The following NAA25 variants were observed in gnomAD, a reference collection of about 807,000 sequenced individuals.
NAA25 encodes N-alpha-acetyltransferase 25, NatB auxiliary subunit.
A neutral mutation model predicts 132.5 loss-of-function variants in NAA25; 30 were observed. The observed-to-expected ratio is 0.23, with a 90% confidence interval of 0.17 to 0.31. The LOEUF is 0.31. NAA25 is among the 10% of genes least tolerant of loss of function. NAA25 has a pLI of 1.00. For missense variants in NAA25, 771 were observed against 1,150.4 expected, an observed-to-expected ratio of 0.67 and a Z score of 4.77; for synonymous variants, 359 against 401.9, an observed-to-expected ratio of 0.89 and a Z score of 1.28.
At chr12:112,072,466 G>A (rs145702242) in intron 9 of NAA25, among the ~76,000 whole-genome samples, 1,804 of 151,894 alleles carry the variant, frequency 0.012, 40 homozygotes, top group African/African-American at 0.042. Flanking sequence ...AAAACTAGTC[G>A]GGCGTGGTGG....
intron 13 of NAA25, among the ~76,000 whole-genome samples, chr12:112,055,563 T>C (rs1338376283): frequency 6.6e-6 from 1 of 151,878 alleles, no homozygotes; most frequent in Admixed American, 6.6e-5. Context: ...TAACCAGATG[T>C]GGTGGTGCAC....
intron 7 of NAA25, among the ~76,000 whole-genome samples, chr12:112,077,437 C>T (rs1242678083): frequency 6.6e-6 from 1 of 151,108 alleles, no homozygotes; most frequent in Non-Finnish European, 1.5e-5. Context: ...CGCACCACTG[C>T]ACTCTAGCCT....
intron 13 of NAA25, among the ~76,000 whole-genome samples, chr12:112,056,471 C>A (rs1252486753): frequency 6.6e-6 from 1 of 151,882 alleles, no homozygotes; most frequent in Admixed American, 6.6e-5. Context: ...GTGGGAGGAT[C>A]CCTTGAGCCC....
intron 15 of NAA25, among the ~76,000 whole-genome samples, chr12:112,050,345 T>C (rs1459405051): frequency 6.6e-6 from 1 of 152,174 alleles, no homozygotes; most frequent in African/African-American, 2.4e-5. Flanking sequence ...TCAAAGTATG[T>C]TGTCCGTACC....
rs904139762 is a variant in NAA25 at position 112,043,117 on chromosome 12, T to C, written c.2345A>G (p.Asp782Gly). The change falls in exon 19 of 24, where the codon GAT becomes GGT. Residue 782 changes from aspartate to glycine, a missense_variant. Around this residue, in one of 3 missense-constraint regions of NAA25, gnomAD observed 324 missense variants for 400.0 expected, o/e 0.81. Transcript: ENST00000261745. ...CQISSFYLVNDIYELDTSGLE... is the reference protein window; with the variant it reads ...CQISSFYLVNGIYELDTSGLE... Reference sequence around the variant, plus strand: ...ACCACTGGTATCCAGCTCATAAATATCATTGACAAGATAAAAAGAGCTTAT... The same window carrying C: ...ACCACTGGTATCCAGCTCATAAATACCATTGACAAGATAAAAAGAGCTTAT... 2 of 1,612,608 alleles carry C rather than the reference T, an allele frequency of 1.2e-6. No individual in the cohort carries two copies. Among genetic ancestry groups the C allele is most frequent in the Non-Finnish European group, 1.7e-6 (2 of 1,179,360 alleles).
intron 1 of NAA25, among the ~76,000 whole-genome samples, chr12:112,096,419 T>C (rs2079213431): frequency 6.6e-6 from 1 of 152,230 alleles, no homozygotes; most frequent in African/African-American, 2.4e-5. Flanking sequence ...ACTTTCATTT[T>C]ACTATACTAA....
rs766689039 is a variant in NAA25, at chr12:112,033,222, C to T, written c.2796+11G>A. On this transcript the variant is annotated intron_variant, in intron 23 of 23. Transcript: ENST00000261745. The stretch of plus-strand genomic sequence containing the variant: ...TGTAGAAAACATTGCCGATTGCCTA[C>T]AATCTCTTACCGGTGAGAGAGAAGT... 365 of 1,597,388 alleles carry T rather than the reference C, an allele frequency of 2.3e-4. 2 individuals carry two copies. The highest frequency in any genetic ancestry group is 3.0e-4 in the Non-Finnish European group (356 of 1,173,148).
chr12:112,093,467 G>T (rs1193085079), intron 1 of NAA25, among the ~76,000 whole-genome samples: 1 of 152,066 alleles, frequency 6.6e-6, no homozygotes, highest in African/African-American at 2.4e-5. Context: ...CTTGAACCTG[G>T]GAGGCAGAGG....
chr12:112,027,349 T>C lies in NAA25; in HGVS notation c.*2182A>G, dbSNP rs1333971271. Reference sequence around the variant, plus strand: ...TATTTTTTTAACTGTACACAATTTATAGTACATGAGGGTTTCCAAAAGAAC... The same window carrying C: ...TATTTTTTTAACTGTACACAATTTACAGTACATGAGGGTTTCCAAAAGAAC... On this transcript the variant is annotated 3_prime_UTR_variant, in exon 24 of 24. Coordinates refer to ENST00000261745, the MANE Select transcript of NAA25 (RefSeq NM_024953.4). 3 of 152,350 alleles carry C rather than the reference T, an allele frequency of 2.0e-5. No homozygotes were observed. The highest frequency in any genetic ancestry group is 4.4e-5 in the Non-Finnish European group (3 of 68,000). 9.4% of individuals were successfully genotyped at this position (152,350 alleles called of 1,614,324 possible).
intron 17 of NAA25, among the ~76,000 whole-genome samples, chr12:112,046,143 G>A (rs1019568631): frequency 1.3e-5 from 2 of 152,200 alleles, no homozygotes; most frequent in Non-Finnish European, 2.9e-5. Context: ...TATAAACCAT[G>A]TTGTTTATGG....
intron 13 of NAA25, among the ~76,000 whole-genome samples, chr12:112,057,185 C>T (rs1479306928): frequency 6.6e-6 from 1 of 151,560 alleles, no homozygotes; most frequent in Non-Finnish European, 1.5e-5. Flanking sequence ...GAGACTCCAT[C>T]TCAAAAAAGT....
intron 1 of NAA25, among the ~76,000 whole-genome samples, chr12:112,099,543 A>T (rs1422272173): frequency 6.6e-6 from 1 of 152,206 alleles, no homozygotes; most frequent in Admixed American, 6.5e-5. Context: ...ATTAGGTAAA[A>T]GAACGATAGA....
intron 9 of NAA25, among the ~76,000 whole-genome samples, chr12:112,074,243 A>G (rs1484998831): frequency 1.4e-5 from 2 of 146,786 alleles, no homozygotes; most frequent in Admixed American, 6.9e-5. Context: ...CGGGAAGCTG[A>G]GGCAGGAGAA....
chr12:112,083,730 T>A (rs1004553924), intron 4 of NAA25, among the ~76,000 whole-genome samples: 1 of 152,004 alleles, frequency 6.6e-6, no homozygotes, highest in East Asian at 1.9e-4. Context: ...AAAATAATAA[T>A]TTTGTCTTTG....
chr12:112,107,281 G>C (rs942821698), intron 1 of NAA25, among the ~76,000 whole-genome samples: 3 of 152,014 alleles, frequency 2.0e-5, no homozygotes, highest in African/African-American at 7.2e-5. Flanking sequence ...AGGTGAGCCT[G>C]AAACAGTCCA....
At chr12:112,050,037 C>T (rs1261155248) in intron 15 of NAA25, among the ~76,000 whole-genome samples, 1 of 146,422 alleles carries the variant, frequency 6.8e-6, no homozygotes, top group East Asian at 2.2e-4. Context: ...CCGTGGAACA[C>T]CACTTTATTT....
At chr12:112,098,820 C>T (rs957340072) in intron 1 of NAA25, among the ~76,000 whole-genome samples, 4 of 152,014 alleles carry the variant, frequency 2.6e-5, no homozygotes, top group Non-Finnish European at 4.4e-5. Flanking sequence ...TGCAGTTGCG[C>T]GATCCCAGCT....
At chr12:112,056,132 G>A (rs945756044) in intron 13 of NAA25, among the ~76,000 whole-genome samples, 38 of 152,090 alleles carry the variant, frequency 2.5e-4, no homozygotes, top group African/African-American at 8.9e-4. Context: ...TCAGGAATTC[G>A]AGACCAGCCT....
chr12:112,060,759 CTA>C (rs2136859142), intron 12 of NAA25, among the ~76,000 whole-genome samples: 2 of 152,318 alleles, frequency 1.3e-5, no homozygotes, highest in African/African-American at 4.8e-5. Context: ...AATTATATGT[CTA>C]TCACATATAT....
Sources: allele counts gnomAD v4.1 joint callset (sites outside exome capture counted in the v4.1 genomes callset), GRCh38; gene constraint gnomAD v4.1.1; regional missense constraint gnomAD v4.1.1; transcripts MANE v1.5; gene names NCBI Gene and HGNC (gene_info 2026-07-23, HGNC 2026-07-21).